The following ITK variants were observed in gnomAD, a reference collection of about 807,000 sequenced individuals.
ITK encodes the protein IL2 inducible T cell kinase.
In ITK, 45 loss-of-function variants were observed where a neutral mutation model predicts 87.6. The observed-to-expected ratio is 0.51, with a 90% CI of 0.40 to 0.66. The LOEUF is 0.66. Ranked by LOEUF, ITK falls within the 30% of genes least tolerant of loss-of-function variation. The pLI is 0.00. For missense variants in ITK, 605 were observed against 766.3 expected, an observed-to-expected ratio of 0.79 and a Z score of 2.48; for synonymous variants, 303 against 273.6, an observed-to-expected ratio of 1.11 and a Z score of -1.06.
chr5:157,201,076 T>TACA (rs1455977732), intron 1 of ITK, among the ~76,000 whole-genome samples: 1 of 88,486 alleles, frequency 1.1e-5, no homozygotes, highest in East Asian at 5.9e-4. Flanking sequence ...TAAGATAATA[T>TACA]ACAATATTAC....
intron 1 of ITK, among the ~76,000 whole-genome samples, chr5:157,196,659 C>T (rs1213916056): frequency 2.6e-5 from 4 of 152,174 alleles, no homozygotes; most frequent in Admixed American, 6.5e-5. Flanking sequence ...ACAATAATCA[C>T]TTTCTGCTGC....
intron 5 of ITK, 130 bp from the exon 6 acceptor site, chr5:157,222,733 G>C (rs908298846): frequency 1.2e-6 from 1 of 819,312 alleles, no homozygotes; most frequent in Non-Finnish European, 2.1e-6. Context: ...CATGTTCAGC[G>C]CTGTAACTCT....
intron 1 of ITK, among the ~76,000 whole-genome samples, chr5:157,200,726 A>G (rs1408765303): frequency 1.3e-5 from 2 of 152,178 alleles, no homozygotes; most frequent in East Asian, 3.8e-4. Flanking sequence ...ATCCCAACAG[A>G]AGAGCAAGCC....
intron 1 of ITK, among the ~76,000 whole-genome samples, chr5:157,189,773 G>A (rs749916320): frequency 5.9e-5 from 9 of 152,208 alleles, no homozygotes; most frequent in Admixed American, 2.6e-4. Flanking sequence ...CGTGGAAATC[G>A]TGTCTACAAA....
At chr5:157,192,658 A>T (rs1348386399) in intron 1 of ITK, among the ~76,000 whole-genome samples, 1 of 152,238 alleles carries the variant, frequency 6.6e-6, no homozygotes, top group Non-Finnish European at 1.5e-5. Flanking sequence ...ACAAGCCATC[A>T]CCATCCCCAC....
Position 157,241,457 on chromosome 5 carries a change from C to T in ITK, c.986-189C>T. On this transcript the variant is annotated intron_variant, in intron 10 of 16. Transcript: ENST00000422843. ...TTGTGGAAATAATGGAATTTTACCA[C>T]TTGCCCATCTGTGCTTATGATGTTT... 5.3e-6 allele frequency: 3 copies of T among 570,578 alleles called. No individual in the cohort carries two copies. In the Admixed American group the frequency reaches 8.3e-5, roughly 16 times the overall value. 35.3% of individuals were successfully genotyped at this position (570,578 alleles called of 1,614,324 possible). A position where few individuals can be genotyped will look rare whatever the true frequency, so the allele number is the denominator to read the frequency against.
rs563229598 is a variant in ITK, at chr5:157,253,893, T to C, written c.*1215T>C. On this transcript the variant is annotated 3_prime_UTR_variant, in exon 17 of 17. Transcript: ENST00000422843. ...CACTTCTATATGCAAGGTGAATATG[T>C]ACTGAGCTAGGAGACTTCCCTGCAA... 3.6e-4 allele frequency: 80 copies of C among 222,722 alleles called. No homozygotes were observed. The highest frequency in any genetic ancestry group is 6.3e-4 in the Non-Finnish European group (70 of 111,602). 13.8% of individuals were successfully genotyped at this position (222,722 alleles called of 1,614,324 possible). A position where few individuals can be genotyped will look rare whatever the true frequency, so the allele number is the denominator to read the frequency against.
chr5:157,188,646 A>G (rs1753692016), intron 1 of ITK, among the ~76,000 whole-genome samples: 1 of 152,144 alleles, frequency 6.6e-6, no homozygotes, highest in East Asian at 1.9e-4. Context: ...TGTCTGAAAC[A>G]TGGTCTTGCT....
At chr5:157,201,963 T>C (rs970827853) in intron 1 of ITK, among the ~76,000 whole-genome samples, 2 of 152,170 alleles carry the variant, frequency 1.3e-5, no homozygotes, top group Non-Finnish European at 2.9e-5. Flanking sequence ...TAGTACCCAG[T>C]AGGTAGATTT....
chr5:157,249,025 T>C lies in ITK; in HGVS notation c.1791+18T>C, dbSNP rs772259664. 1.8e-5 allele frequency: 29 copies of C among 1,611,020 alleles called. No individual in the cohort carries two copies. The African/African-American group carries it at 3.3e-4, about 19-fold the overall frequency. On this transcript the variant is annotated intron_variant, in intron 16 of 16. Coordinates refer to ENST00000422843, the MANE Select transcript of ITK (RefSeq NM_005546.4). ...GGAAAGAGGTCAGTGGAGGAAGTGC[T>C]TCCCCATGCATTGTCGTATACAATT...
At chr5:157,184,212 T>G (rs1753597595) in intron 1 of ITK, among the ~76,000 whole-genome samples, 2 of 152,330 alleles carry the variant, frequency 1.3e-5, no homozygotes, top group Middle Eastern at 3.4e-3. Context: ...TAAGGGCACA[T>G]GGATGTCCTG....
chr5:157,216,831 T>C (rs548355369), intron 4 of ITK, among the ~76,000 whole-genome samples: 2 of 152,220 alleles, frequency 1.3e-5, no homozygotes, highest in African/African-American at 2.4e-5. Context: ...TCTGTGGTCA[T>C]TGTATACCCA....
chr5:157,248,701 G>T (rs576336133), intron 15 of ITK, 149 bp from the exon 16 acceptor site: 518 of 854,162 alleles, frequency 6.1e-4, no homozygotes, highest in Non-Finnish European at 5.4e-4. Flanking sequence ...AATAGGACAG[G>T]CCTAATAAGC....
intron 11 of ITK, 92 bp from the exon 12 acceptor site, chr5:157,243,529 TAA>T: frequency 9.7e-7 from 1 of 1,028,308 alleles, no homozygotes; most frequent in Non-Finnish European, 1.5e-6. Context: ...AACAATAGGC[TAA>T]AATTCTAGTT....
intron 4 of ITK, 123 bp from the exon 5 acceptor site, chr5:157,217,744 C>T (rs1430244109): frequency 1.4e-5 from 11 of 799,592 alleles, no homozygotes; most frequent in Non-Finnish European, 2.4e-5. Flanking sequence ...CTCCTTCTGG[C>T]CCCCTTTCTT....
At chr5:157,228,134 CG>C (rs1368182927) in intron 6 of ITK, among the ~76,000 whole-genome samples, 161 bp from the exon 7 acceptor site, 2 of 152,056 alleles carry the variant, frequency 1.3e-5, no homozygotes, top group Non-Finnish European at 2.9e-5. Context: ...CCACCGCCCC[CG>C]GCCTACCAAT....
At chr5:157,190,896 C>G (rs187762874) in intron 1 of ITK, among the ~76,000 whole-genome samples, 172 of 152,240 alleles carry the variant, frequency 1.1e-3, no homozygotes, top group African/African-American at 4.0e-3. Flanking sequence ...TGGATCATGG[C>G]AAGGAGTTTG....
intron 1 of ITK, among the ~76,000 whole-genome samples, chr5:157,206,458 A>T (rs1003841283): frequency 2.8e-4 from 43 of 152,294 alleles, no homozygotes; most frequent in African/African-American, 1.0e-3. Context: ...TTCAGTAGGA[A>T]TTACATTGGC....
In ITK at chr5:157,188,679, G is replaced by A. The variant is rs146954300; in HGVS notation, c.138+7564G>A. ...GCTCTGTTACCCAGGCTAGAATGCA[G>A]TGGCGGAATCTTGGGTCACTGCAAC... On this transcript the variant is annotated intron_variant, in intron 1 of 16. Coordinates refer to ENST00000422843, the MANE Select transcript of ITK (RefSeq NM_005546.4). 9.2e-5 allele frequency among the ~76,000 whole-genome samples: 14 copies of A among 152,314 alleles called. No homozygotes were observed. In the East Asian group the frequency reaches 2.1e-3, roughly 23 times the overall value.
Sources: allele counts gnomAD v4.1 joint callset (sites outside exome capture counted in the v4.1 genomes callset), GRCh38; gene constraint gnomAD v4.1.1; transcripts MANE v1.5; gene names NCBI Gene and HGNC (gene_info 2026-07-23, HGNC 2026-07-21).